Variants in SPOCK1 observed in about 807,000 individuals in gnomAD.
SPOCK1 encodes the protein testican-1.
A neutral mutation model predicts 55.3 loss-of-function variants in SPOCK1; 23 were observed. The observed-to-expected ratio is 0.42, with a 90% CI of 0.30 to 0.59. The LOEUF (loss-of-function observed/expected upper bound fraction) is 0.59. SPOCK1 is among the 20% of genes least tolerant of loss of function. SPOCK1 has a pLI of 0.22. For missense variants in SPOCK1, 499 were observed against 552.5 expected, an observed-to-expected ratio of 0.90 and a Z score of 0.97; for synonymous variants, 226 against 221.0, an observed-to-expected ratio of 1.02 and a Z score of -0.20.
chr5:137,353,829 C>G (rs994819946), intron 2 of SPOCK1, among the ~76,000 whole-genome samples: 1 of 152,120 alleles, frequency 6.6e-6, no homozygotes, highest in Non-Finnish European at 1.5e-5. Context: ...CCCAGTCTCT[C>G]CCTGGCAGAC....
chr5:137,477,071 A>G lies in SPOCK1; in HGVS notation c.186+21302T>C, dbSNP rs376997006. On this transcript the variant is annotated intron_variant, in intron 2 of 10. Coordinates refer to ENST00000394945, the MANE Select transcript of SPOCK1 (RefSeq NM_004598.4). Reference sequence around the variant, plus strand: ...CATTGTTATAATAGGGAAAAACTAAAAACAGTCCAAATGTTTTTAAAAGCC... The same window carrying G: ...CATTGTTATAATAGGGAAAAACTAAGAACAGTCCAAATGTTTTTAAAAGCC... Among the ~76,000 whole-genome samples, 6 of 152,354 alleles carry G rather than the reference A, an allele frequency of 3.9e-5. No individual in the cohort carries two copies. The East Asian group carries it at 1.2e-3, about 29-fold the overall frequency.
intron 2 of SPOCK1, among the ~76,000 whole-genome samples, chr5:137,318,004 AG>A (rs1268278384): frequency 1.3e-5 from 2 of 152,166 alleles, no homozygotes; most frequent in Non-Finnish European, 2.9e-5. Context: ...TTATTTAAAA[AG>A]TCTCATTAAT....
intron 5 of SPOCK1, among the ~76,000 whole-genome samples, chr5:137,082,478 G>T (rs1191275447): frequency 6.6e-6 from 1 of 152,170 alleles, no homozygotes; most frequent in African/African-American, 2.4e-5. Flanking sequence ...GTCAAGAGGG[G>T]TGAGAACACA....
chr5:137,138,721 A>G (rs1043673325), intron 4 of SPOCK1, among the ~76,000 whole-genome samples: 22 of 141,220 alleles, frequency 1.6e-4, no homozygotes, highest in Non-Finnish European at 3.1e-4. Context: ...CCCAAAAAAA[A>G]GTGGTATTTT....
intron 2 of SPOCK1, among the ~76,000 whole-genome samples, chr5:137,428,572 G>C (rs761194144): frequency 6.6e-6 from 1 of 152,164 alleles, no homozygotes; most frequent in Non-Finnish European, 1.5e-5. Flanking sequence ...TGTAGACTCT[G>C]TCTACTCACT....
At chr5:136,978,902 C>T in intron 10 of SPOCK1, 58 bp from the exon 11 acceptor site, 1 of 1,518,206 alleles carries the variant, frequency 6.6e-7, no homozygotes, top group Admixed American at 2.2e-5. Flanking sequence ...TGACCCACGT[C>T]AGGGGTTCCT....
intron 6 of SPOCK1, among the ~76,000 whole-genome samples, chr5:137,014,976 C>A (rs892425150): frequency 6.6e-6 from 1 of 152,164 alleles, no homozygotes; most frequent in Non-Finnish European, 1.5e-5. Flanking sequence ...CAGATAGATT[C>A]TCTCCTGTGA....
chr5:137,149,884 G>C (rs1312368543), intron 3 of SPOCK1, among the ~76,000 whole-genome samples: 1 of 152,092 alleles, frequency 6.6e-6, no homozygotes, highest in African/African-American at 2.4e-5. Flanking sequence ...TATCTTGATG[G>C]GTTACTCAAC....
At chr5:137,052,161 A>G (rs1165088009) in intron 6 of SPOCK1, among the ~76,000 whole-genome samples, 1 of 152,196 alleles carries the variant, frequency 6.6e-6, no homozygotes, top group Non-Finnish European at 1.5e-5. Context: ...GACTTGTTTG[A>G]GCAACAAGAG....
chr5:137,195,288 A>G (rs144846460), intron 3 of SPOCK1, among the ~76,000 whole-genome samples: 3 of 152,276 alleles, frequency 2.0e-5, no homozygotes, highest in African/African-American at 7.2e-5. Context: ...GCCTCTGCCT[A>G]TTTAGTGGTT....
intron 5 of SPOCK1, among the ~76,000 whole-genome samples, chr5:137,072,501 C>T (rs1271255848): frequency 6.6e-6 from 1 of 152,216 alleles, no homozygotes; most frequent in African/African-American, 2.4e-5. Context: ...TGTTGACCTA[C>T]TTAAAAATAA....
intron 2 of SPOCK1, among the ~76,000 whole-genome samples, chr5:137,374,488 C>G (rs1420338737): frequency 1.3e-5 from 2 of 152,198 alleles, no homozygotes; most frequent in East Asian, 3.9e-4. Flanking sequence ...CCACAGGTTC[C>G]TGCACTAGCA....
At chr5:137,146,026 T>C (rs1754184821) in intron 3 of SPOCK1, among the ~76,000 whole-genome samples, 1 of 152,190 alleles carries the variant, frequency 6.6e-6, no homozygotes, top group Non-Finnish European at 1.5e-5. Context: ...AGTTCCACAG[T>C]GCCTTCAACC....
At chr5:137,227,141 C>T (rs116416975) in intron 3 of SPOCK1, among the ~76,000 whole-genome samples, 1,724 of 152,252 alleles carry the variant, frequency 0.011, 13 homozygotes, top group Middle Eastern at 0.024. Context: ...AATCAGAAGA[C>T]CCTACTCCAG....
intron 2 of SPOCK1, among the ~76,000 whole-genome samples, chr5:137,302,767 A>G (rs143886574): frequency 6.6e-6 from 1 of 152,254 alleles, no homozygotes; most frequent in African/African-American, 2.4e-5. Context: ...CTCTGCATCC[A>G]CGAGGACTTC....
At chr5:137,355,974 G>A (rs1000008550) in intron 2 of SPOCK1, among the ~76,000 whole-genome samples, 1 of 152,180 alleles carries the variant, frequency 6.6e-6, no homozygotes, top group African/African-American at 2.4e-5. Flanking sequence ...ACAGACTCGG[G>A]GAGAGGCTCA....
At chr5:137,319,861 C>T (rs1287253029) in intron 2 of SPOCK1, among the ~76,000 whole-genome samples, 4 of 144,924 alleles carry the variant, frequency 2.8e-5, no homozygotes, top group Non-Finnish European at 6.0e-5. Context: ...AGGAGAATGG[C>T]GTGAACCCGG....
intron 2 of SPOCK1, among the ~76,000 whole-genome samples, chr5:137,431,609 C>T (rs1752747414): frequency 6.6e-6 from 1 of 152,118 alleles, no homozygotes; most frequent in Admixed American, 6.5e-5. Context: ...TGGCTTGGTG[C>T]CATTCTGGAG....
chr5:137,035,730 G>C (rs567187619), intron 6 of SPOCK1, among the ~76,000 whole-genome samples: 1 of 152,278 alleles, frequency 6.6e-6, no homozygotes, highest in East Asian at 1.9e-4. Flanking sequence ...CCAAGCTGGA[G>C]CTGTGGTGGG....
Sources: gnomAD v4.1 joint callset for allele counts (sites outside exome capture counted in the v4.1 genomes callset) on GRCh38, gnomAD v4.1.1 for gene constraint, MANE v1.5 for transcripts, NCBI Gene and HGNC (gene_info 2026-07-23, HGNC 2026-07-21) for gene names.